Variants in ZNF208 observed in about 807,000 individuals in gnomAD.
ZNF208 encodes zinc finger protein 208, also known as zinc finger protein 95.
In ZNF208, 10 loss-of-function variants were observed where a neutral mutation model predicts 12.1. The observed-to-expected ratio is 0.83, with a 90% CI of 0.51 to 1.40. The LOEUF is 1.40. ZNF208 is among the 40% of genes most tolerant of loss of function. ZNF208 has a pLI of 0.00. For missense variants in ZNF208, 1,652 were observed against 1,485.0 expected (o/e 1.11, Z -1.85); for synonymous variants, 497 against 488.4 (o/e 1.02, Z -0.23).
intron 1 of ZNF208, among the ~76,000 whole-genome samples, chr19:21,990,436 G>C (rs982491808): frequency 7.4e-5 from 7 of 94,162 alleles, no homozygotes; most frequent in African/African-American, 2.5e-4. Context: ...CTATTCCATT[G>C]ATCTATATCT....
chr19:21,976,707 T>C (rs937517499), intron 3 of ZNF208, among the ~76,000 whole-genome samples: 2 of 152,136 alleles, frequency 1.3e-5, no homozygotes, highest in Non-Finnish European at 2.9e-5. Context: ...ATTACAGGCA[T>C]GCACCACCAC....
Position 21,973,379 on chromosome 19 carries a change from G to C in ZNF208, c.1655C>G (p.Pro552Arg), listed in dbSNP as rs1364639700. ...TTTGCCACATTCTTCACATTTGTAG[G>C]GTTTCTCTCCAGTATGAATTACCTT... ...KHKVIHTGEK[P>R]YKCEECGKAY... The change falls in exon 4 of 4, where the codon CCC (proline) becomes CGC (arginine). Residue 552 changes from proline (P) to arginine (R), a missense_variant. Around this residue, in one of 3 missense-constraint regions of ZNF208, gnomAD observed 1,239 missense variants for 1,086.2 expected, o/e 1.14. Transcript: ENST00000397126. 6.2e-7 allele frequency: 1 copy of C among 1,611,558 alleles called. No individual in the cohort carries two copies. The highest frequency in any genetic ancestry group is 8.5e-7 in the Non-Finnish European group (1 of 1,179,814).
chr19:22,002,683 A>G (rs1052346796), intron 1 of ZNF208, among the ~76,000 whole-genome samples: 4 of 152,160 alleles, frequency 2.6e-5, no homozygotes, highest in African/African-American at 7.2e-5. Flanking sequence ...AACAATGCTT[A>G]AAGAAGCCAG....
intron 1 of ZNF208, among the ~76,000 whole-genome samples, chr19:22,001,197 A>G (rs2145581967): frequency 6.6e-6 from 1 of 152,276 alleles, no homozygotes; most frequent in South Asian, 2.1e-4. Context: ...AGGCAGGAGA[A>G]TTGCTTGAAC....
At position 22,008,776 on chromosome 19, in the gene ZNF208, C is replaced by G. The variant is rs35687673; in HGVS notation, c.3+2016G>C. Among the ~76,000 whole-genome samples the G allele has an allele frequency of 4.9e-3, 745 of 152,196 alleles. 1 individual carries two copies. Among genetic ancestry groups the G allele is most frequent in the Middle Eastern group, 0.014 (4 of 294 alleles). On this transcript the variant is annotated intron_variant, in intron 1 of 3. Coordinates refer to ENST00000397126, the MANE Select transcript of ZNF208 (RefSeq NM_007153.3). ...TCAAGGGGTTAGCTTTCCAAAAAAA[C>G]AGCACACCAGAAGATGCCTCTCAGC...
chr19:21,964,090 T>C (rs186055398), downstream of ZNF208, among the ~76,000 whole-genome samples: 65 of 152,042 alleles, frequency 4.3e-4, no homozygotes, highest in African/African-American at 1.5e-3. Flanking sequence ...AACATCACAC[T>C]GTATGCCATA....
intron 4 of ZNF208, among the ~76,000 whole-genome samples, chr19:21,942,642 C>CTTTCTTTCT: frequency 6.6e-6 from 1 of 152,068 alleles, no homozygotes; most frequent in Non-Finnish European, 1.5e-5. Context: ...TATGACTTTT[C>CTTTCTTTCT]TTTCTTTCTT....
rs995015199 is a variant in ZNF208 at position 21,966,337 on chromosome 19, T to C, written c.*4854A>G. 8 of 152,096 alleles carry C rather than the reference T, an allele frequency of 5.3e-5. No homozygotes were observed. The highest frequency in any genetic ancestry group is 1.7e-4 in the African/African-American group (7 of 41,434). 9.4% of individuals were successfully genotyped at this position (152,096 alleles called of 1,614,324 possible). On this transcript the variant is annotated 3_prime_UTR_variant, in exon 4 of 4. Transcript: ENST00000397126. ...ATGTGCGCCCAATTTTTAGCATCCA[T>C]GTATGAGTGAGAACATGTGGCATTT... is the stretch of plus-strand genomic sequence containing the variant.
chr19:21,976,285 C>T (rs1970429675), intron 3 of ZNF208, among the ~76,000 whole-genome samples: 1 of 151,990 alleles, frequency 6.6e-6, no homozygotes. Flanking sequence ...AATTTTTCAC[C>T]TGATTAAAAT....
downstream of ZNF208, among the ~76,000 whole-genome samples, chr19:21,961,618 C>T (rs1482440712): frequency 6.6e-6 from 1 of 152,004 alleles, no homozygotes; most frequent in East Asian, 1.9e-4. Context: ...ATATTTCAGT[C>T]CTTATCTCAA....
At chr19:22,010,707 A>C (rs1971132431) in intron 1 of ZNF208, 85 bp downstream of exon 1, 1 of 1,599,474 alleles carries the variant, frequency 6.3e-7, no homozygotes, top group Non-Finnish European at 8.6e-7. Context: ...GACTGCGGGG[A>C]GGCCTGAGTC....
intron 4 of ZNF208, among the ~76,000 whole-genome samples, chr19:21,960,819 A>G (rs1970053973): frequency 2.0e-5 from 3 of 152,218 alleles, no homozygotes; most frequent in Admixed American, 2.0e-4. Flanking sequence ...ACACTCAAAA[A>G]CCTCATTTGA....
intron 1 of ZNF208, among the ~76,000 whole-genome samples, chr19:21,990,559 T>C (rs1286310300): frequency 1.3e-5 from 2 of 152,098 alleles, no homozygotes; most frequent in African/African-American, 4.8e-5. Context: ...TGGCTTAGGA[T>C]TGACTTGGTG....
At chr19:22,005,182 T>C (rs1440280061) in intron 1 of ZNF208, among the ~76,000 whole-genome samples, 1 of 152,224 alleles carries the variant, frequency 6.6e-6, no homozygotes, top group African/African-American at 2.4e-5. Context: ...TCAAAAATGC[T>C]GTGGTAAAAT....
chr19:21,971,782 G>A lies in ZNF208; in HGVS notation c.3252C>T (p.Pro1084=), dbSNP rs1970290879. ...EHKATHAGEE[P]YKCEECGKAF... ...CTTTGCCACATTCTTCACATTTGTA[G>A]GGTTCCTCTCCAGCATGAGTTGCCT... Residue 1084 remains proline (P), a synonymous_variant, in exon 4 of 4, where the codon CCC becomes CCT. Coordinates refer to ENST00000397126, the MANE Select transcript of ZNF208 (RefSeq NM_007153.3). 6.2e-6 allele frequency: 10 copies of A among 1,613,882 alleles called. No individual in the cohort carries two copies. Among genetic ancestry groups the A allele is most frequent in the Non-Finnish European group, 8.5e-6 (10 of 1,179,910 alleles).
intron 3 of ZNF208, among the ~76,000 whole-genome samples, chr19:21,976,843 G>A (rs750441475): frequency 1.2e-4 from 19 of 152,096 alleles, no homozygotes; most frequent in Middle Eastern, 3.4e-3. Flanking sequence ...TTACAGGCAT[G>A]AGCCACCGTG....
chr19:21,941,185 T>C, intron 4 of ZNF208: 1 of 395,722 alleles, frequency 2.5e-6, no homozygotes, highest in Non-Finnish European at 4.4e-6. Context: ...CGGCTGAGGG[T>C]GAAGCTGCCC....
In ZNF208 at chr19:21,968,591, G is replaced by A. The variant is rs1213513430; in HGVS notation, c.*2600C>T. On this transcript the variant is annotated 3_prime_UTR_variant, in exon 4 of 4. Coordinates refer to ENST00000397126, the MANE Select transcript of ZNF208 (RefSeq NM_007153.3). ...ATTTGCTTTTGAATTCAGTTTGCTA[G>A]TATTTCATGGAGGATTATTATTCCA... 6.6e-6 allele frequency: 1 copy of A among 152,034 alleles called. No homozygotes were observed. 9.4% of individuals were successfully genotyped at this position (152,034 alleles called of 1,614,324 possible).
downstream of ZNF208, among the ~76,000 whole-genome samples, chr19:21,962,090 G>C (rs1970080899): frequency 6.6e-6 from 1 of 152,120 alleles, no homozygotes; most frequent in Admixed American, 6.6e-5. Flanking sequence ...TTGAAGTAAA[G>C]ACAGGCATAA....
Sources: gnomAD v4.1 joint callset for allele counts (sites outside exome capture counted in the v4.1 genomes callset) on GRCh38, gnomAD v4.1.1 for gene constraint, gnomAD v4.1.1 regional missense constraint, MANE v1.5 for transcripts, NCBI Gene and HGNC (gene_info 2026-07-23, HGNC 2026-07-21) for gene names.